ADK: variants seen among roughly 807,000 people sequenced by gnomAD.
The protein encoded by ADK is adenosine kinase, also known as N6,N6-dimethyladenosine kinase.
ADK carries 24 observed loss-of-function variants against 44.7 expected under a neutral mutation model. That is an observed-to-expected ratio of 0.54 (90% CI 0.39 to 0.76). The LOEUF is 0.76. Ranked by LOEUF, ADK falls within the 30% of genes least tolerant of loss-of-function variation. ADK has a pLI of 0.00. For synonymous variants in ADK, 128 were observed against 142.6 expected (o/e 0.90, Z 0.73); for missense variants, 321 against 425.1 (o/e 0.76, Z 2.15).
chr10:74,438,620 T>G (rs1845275642), intron 6 of ADK, among the ~76,000 whole-genome samples: 1 of 152,164 alleles, frequency 6.6e-6, no homozygotes, highest in Non-Finnish European at 1.5e-5. Context: ...ATATTATTAT[T>G]TTGTATACTC....
At chr10:74,248,129 C>T (rs895914191) in intron 3 of ADK, among the ~76,000 whole-genome samples, 1 of 151,946 alleles carries the variant, frequency 6.6e-6, no homozygotes, top group African/African-American at 2.4e-5. Flanking sequence ...ACATAATATC[C>T]CTCTTCCTTT....
chr10:74,179,021 A>G (rs766266157), intron 1 of ADK, among the ~76,000 whole-genome samples: 6 of 152,350 alleles, frequency 3.9e-5, no homozygotes, highest in Middle Eastern at 3.4e-3. Flanking sequence ...GTAAAGTATC[A>G]TGAGAGACAA....
intron 4 of ADK, among the ~76,000 whole-genome samples, chr10:74,331,470 A>AG (rs1841215267): frequency 6.6e-6 from 1 of 152,192 alleles, no homozygotes; most frequent in Non-Finnish European, 1.5e-5. Context: ...AGTAAACATT[A>AG]GTCTACATTT....
At chr10:74,459,292 A>C (rs532785723) in intron 6 of ADK, among the ~76,000 whole-genome samples, 2 of 152,146 alleles carry the variant, frequency 1.3e-5, no homozygotes, top group African/African-American at 4.8e-5. Flanking sequence ...AAAAAAAAAA[A>C]AATTTATTTC....
At chr10:74,191,536 G>A (rs560487785) in intron 1 of ADK, among the ~76,000 whole-genome samples, 2 of 152,268 alleles carry the variant, frequency 1.3e-5, no homozygotes, top group East Asian at 1.9e-4. Flanking sequence ...ACAGGTGTGA[G>A]CCACCACACC....
chr10:74,298,751 C>A (rs542343482), intron 3 of ADK, among the ~76,000 whole-genome samples: 9 of 123,628 alleles, frequency 7.3e-5, no homozygotes, highest in South Asian at 2.5e-4. Context: ...ACCAAAAAAA[C>A]CCCCCAAAAA....
At chr10:74,503,931 C>G (rs1409032284) in intron 6 of ADK, among the ~76,000 whole-genome samples, 1 of 152,172 alleles carries the variant, frequency 6.6e-6, no homozygotes, top group African/African-American at 2.4e-5. Context: ...TTACTTTGCT[C>G]TCCAGAATCC....
chr10:74,371,679 G>A lies in ADK; in HGVS notation c.274-22462G>A, dbSNP rs545573720. The A allele has an allele frequency of 2.5e-4, 281 of 1,115,028 alleles. No individual in the cohort carries two copies. The African/African-American group carries it at 3.7e-3, about 15-fold the overall frequency. 69.1% of individuals were successfully genotyped at this position (1,115,028 alleles called of 1,614,324 possible). A position where few individuals can be genotyped will look rare whatever the true frequency, so the allele number is the denominator to read the frequency against. ...AAGGAAAAGTGATGGCATCCACATC[G>A]TAAATCTGAAGAGGACCTGGGAGAA... On this transcript the variant is annotated intron_variant, in intron 4 of 10. Coordinates refer to ENST00000539909, the MANE Select transcript of ADK (RefSeq NM_006721.4).
chr10:74,642,827 CTTTTTTTTTTTT>C (rs770015945), intron 9 of ADK, among the ~76,000 whole-genome samples: 14 of 77,486 alleles, frequency 1.8e-4, no homozygotes, highest in Admixed American at 6.8e-4. Flanking sequence ...ATCTTAAGTT[CTTTTTTTTTTTT>C]TTTTTTTTTT....
chr10:74,619,499 T>G (rs1404914031), intron 9 of ADK, among the ~76,000 whole-genome samples: 1 of 152,148 alleles, frequency 6.6e-6, no homozygotes, highest in Non-Finnish European at 1.5e-5. Context: ...AATAGTCCCT[T>G]TTTTATTTTC....
intron 1 of ADK, among the ~76,000 whole-genome samples, chr10:74,183,343 G>C (rs1842631322): frequency 6.6e-6 from 1 of 152,178 alleles, no homozygotes; most frequent in Non-Finnish European, 1.5e-5. Flanking sequence ...AGGCCGAGGT[G>C]GGAGGATCAC....
In ADK at chr10:74,691,911, G is replaced by T. The variant is rs187506784; in HGVS notation, c.965-16410G>T. Among the ~76,000 whole-genome samples the T allele has an allele frequency of 1.8e-3, 270 of 152,188 alleles. 1 individual carries two copies. The highest frequency in any genetic ancestry group is 2.7e-3 in the Non-Finnish European group (187 of 68,012). On this transcript the variant is annotated intron_variant, in intron 10 of 10. Coordinates refer to ENST00000539909, the MANE Select transcript of ADK (RefSeq NM_006721.4). ...GTAGCACTGGGAACTCTCATTTATT[G>T]CTGGTAAAAAATGCAAAATGGTAAA...
At chr10:74,492,279 A>G (rs1847517897) in intron 6 of ADK, among the ~76,000 whole-genome samples, 1 of 152,126 alleles carries the variant, frequency 6.6e-6, no homozygotes, top group South Asian at 2.1e-4. Flanking sequence ...AAGAAAAATT[A>G]TTTTATTCTT....
chr10:74,649,636 AAC>A (rs1413604859), intron 9 of ADK, among the ~76,000 whole-genome samples: 2 of 152,102 alleles, frequency 1.3e-5, no homozygotes, highest in Non-Finnish European at 2.9e-5. Context: ...AAAAAAAAAA[AAC>A]AAATTCTGTC....
At chr10:74,327,675 A>C (rs1275083283) in intron 4 of ADK, among the ~76,000 whole-genome samples, 1 of 152,140 alleles carries the variant, frequency 6.6e-6, no homozygotes, top group African/African-American at 2.4e-5. Context: ...TAATCTGTAC[A>C]ACAAACCCCC....
intron 4 of ADK, among the ~76,000 whole-genome samples, chr10:74,353,880 A>C (rs1236591701): frequency 1.3e-5 from 2 of 152,132 alleles, no homozygotes; most frequent in African/African-American, 2.4e-5. Flanking sequence ...AGAAAAAAAA[A>C]CTTCAGTTTA....
intron 7 of ADK, among the ~76,000 whole-genome samples, chr10:74,546,995 C>A (rs1319716056): frequency 2.0e-5 from 3 of 152,080 alleles, no homozygotes. Context: ...ATAATTTTTC[C>A]TGTGTTTCCT....
chr10:74,408,934 A>G (rs1844064292), intron 6 of ADK, among the ~76,000 whole-genome samples: 1 of 152,116 alleles, frequency 6.6e-6, no homozygotes, highest in Non-Finnish European at 1.5e-5. Flanking sequence ...CACAGTTCAA[A>G]TTCATATTGT....
chr10:74,533,302 A>C (rs908449430), intron 7 of ADK, among the ~76,000 whole-genome samples: 1 of 152,198 alleles, frequency 6.6e-6, no homozygotes, highest in African/African-American at 2.4e-5. Flanking sequence ...TCTAATATTT[A>C]TATGGAAAAG....
Sources: gnomAD v4.1 joint callset for allele counts (sites outside exome capture counted in the v4.1 genomes callset) on GRCh38, gnomAD v4.1.1 for gene constraint, MANE v1.5 for transcripts, NCBI Gene and HGNC (gene_info 2026-07-23, HGNC 2026-07-21) for gene names.